The following PHACTR1 variants were observed in gnomAD, a reference collection of about 807,000 sequenced individuals.
The protein encoded by PHACTR1 is RPEL repeat containing 1.
Under a neutral mutation model 69.2 loss-of-function variants are expected in PHACTR1, and 16 were observed. The observed-to-expected ratio is 0.23, with a 90% CI of 0.16 to 0.35. The LOEUF (loss-of-function observed/expected upper bound fraction) is 0.35, where lower values mean the gene tolerates loss of function less well. Among genes scored for constraint, PHACTR1 ranks in the 10% least tolerant of loss-of-function variants. The pLI, the probability that PHACTR1 is intolerant of heterozygous loss-of-function variation, is 1.00. For missense variants in PHACTR1, 510 were observed against 734.7 expected (o/e 0.69, Z 3.54); for synonymous variants, 312 against 284.5 (o/e 1.10, Z -0.97).
intron 10 of PHACTR1, among the ~76,000 whole-genome samples, chr6:13,261,443 T>C (rs1775894405): frequency 6.6e-6 from 1 of 152,192 alleles, no homozygotes; most frequent in Non-Finnish European, 1.5e-5. Context: ...GCTCTGCAGA[T>C]GTCATGGTGA....
At chr6:12,981,678 G>A (rs993426428) in intron 4 of PHACTR1, among the ~76,000 whole-genome samples, 5 of 152,064 alleles carry the variant, frequency 3.3e-5, no homozygotes, top group Non-Finnish European at 5.9e-5. Context: ...TCCCATCCTC[G>A]ATTGGACATG....
intron 5 of PHACTR1, among the ~76,000 whole-genome samples, chr6:13,058,046 G>A (rs1583169240): frequency 2.0e-5 from 3 of 152,110 alleles, no homozygotes; most frequent in Admixed American, 6.5e-5. Flanking sequence ...TCTGCCCTCC[G>A]AGGCCCTGCC....
At chr6:12,866,730 C>CT (rs1182747937) in intron 4 of PHACTR1, among the ~76,000 whole-genome samples, 1 of 152,188 alleles carries the variant, frequency 6.6e-6, no homozygotes, top group Admixed American at 6.5e-5. Flanking sequence ...TGCAAGTTGC[C>CT]TTGCTGAGAA....
chr6:13,171,298 C>T (rs1307631835), intron 6 of PHACTR1, among the ~76,000 whole-genome samples: 1 of 152,180 alleles, frequency 6.6e-6, no homozygotes, highest in African/African-American at 2.4e-5. Flanking sequence ...CATGTGTGCC[C>T]TGGAGCTCAT....
chr6:13,149,830 G>A lies in PHACTR1; in HGVS notation c.416-10374G>A, dbSNP rs1183424324. On this transcript the variant is annotated intron_variant, in intron 5 of 14. Transcript: ENST00000332995. ...AAAAAGTTACGAGATTTTTTTTTGC[G>A]ATTTTTTTTTTTTTTAGCTCATCAA... Among the ~76,000 whole-genome samples the A allele has an allele frequency of 7.5e-5, 9 of 119,538 alleles. No individual in the cohort carries two copies. The Admixed American group carries it at 7.8e-4, about 10-fold the overall frequency. 78.4% of individuals were successfully genotyped at this position (119,538 alleles called of 152,430 possible). A position where few individuals can be genotyped will look rare whatever the true frequency, so the allele number is the denominator to read the frequency against.
Position 13,040,498 on chromosome 6 carries a change from C to T in PHACTR1, c.251-12867C>T, listed in dbSNP as rs140868924. 2.0e-3 allele frequency among the ~76,000 whole-genome samples: 310 copies of T among 152,228 alleles called. 2 individuals are homozygous for T. Among genetic ancestry groups the T allele is most frequent in the African/African-American group, 7.3e-3 (305 of 41,544 alleles). On this transcript the variant is annotated intron_variant, in intron 4 of 14. Transcript: ENST00000332995. Reference sequence around the variant, plus strand: ...AAACATATTTGACAGATGATAAGCCCAAATTGTAGCCAACAATTCAACTTG... The same window carrying T: ...AAACATATTTGACAGATGATAAGCCTAAATTGTAGCCAACAATTCAACTTG...
At chr6:13,221,631 C>T (rs1279961855) in intron 8 of PHACTR1, among the ~76,000 whole-genome samples, 1 of 152,176 alleles carries the variant, frequency 6.6e-6, no homozygotes, top group Non-Finnish European at 1.5e-5. Flanking sequence ...GGGAAGATCA[C>T]AATAGTACCT....
intron 5 of PHACTR1, among the ~76,000 whole-genome samples, chr6:13,064,644 G>T (rs1194900337): frequency 1.7e-5 from 2 of 116,156 alleles, no homozygotes; most frequent in Non-Finnish European, 3.4e-5. Context: ...GACTATGGAG[G>T]ATTCACCACC....
chr6:13,150,403 T>C (rs1335161619), intron 5 of PHACTR1, among the ~76,000 whole-genome samples: 1 of 152,190 alleles, frequency 6.6e-6, no homozygotes, highest in Admixed American at 6.5e-5. Context: ...CGATAAGCTT[T>C]CCTTGGATTA....
chr6:13,104,633 C>T (rs190679244), intron 5 of PHACTR1, among the ~76,000 whole-genome samples: 76 of 152,176 alleles, frequency 5.0e-4, no homozygotes, highest in African/African-American at 1.7e-3. Context: ...TTGATACAGC[C>T]TTTCATTCTC....
At chr6:13,249,616 T>G (rs1003739313) in intron 10 of PHACTR1, among the ~76,000 whole-genome samples, 2 of 151,998 alleles carry the variant, frequency 1.3e-5, no homozygotes, top group African/African-American at 4.8e-5. Flanking sequence ...CTGGCTAACA[T>G]GGTGAAACCT....
At chr6:13,103,816 G>A (rs141060108) in intron 5 of PHACTR1, among the ~76,000 whole-genome samples, 2 of 152,330 alleles carry the variant, frequency 1.3e-5, no homozygotes, top group African/African-American at 4.8e-5. Flanking sequence ...GGGTGCAGTG[G>A]CGCATGCCTG....
At chr6:12,825,130 G>GACAC (rs139069335) in intron 4 of PHACTR1, among the ~76,000 whole-genome samples, 3 of 151,040 alleles carry the variant, frequency 2.0e-5, no homozygotes, top group African/African-American at 7.3e-5. Flanking sequence ...CACACACACA[G>GACAC]ACACACACAC....
chr6:13,190,377 G>A (rs1402300693), intron 7 of PHACTR1, among the ~76,000 whole-genome samples: 1 of 151,606 alleles, frequency 6.6e-6, no homozygotes, highest in Non-Finnish European at 1.5e-5. Flanking sequence ...TCATATTAGG[G>A]TTCCATCTTC....
intron 11 of PHACTR1, chr6:13,273,885 A>T: frequency 6.7e-6 from 1 of 149,984 alleles, no homozygotes; most frequent in African/African-American, 2.4e-5. Flanking sequence ...GTACAGACTG[A>T]CTCCTTGCCT....
chr6:12,981,482 G>T (rs1795518792), intron 4 of PHACTR1, among the ~76,000 whole-genome samples: 1 of 152,200 alleles, frequency 6.6e-6, no homozygotes, highest in African/African-American at 2.4e-5. Context: ...AACAATCTGA[G>T]AAAATCTCAC....
intron 5 of PHACTR1, among the ~76,000 whole-genome samples, chr6:13,141,167 C>T (rs1205487812): frequency 6.6e-6 from 1 of 152,168 alleles, no homozygotes; most frequent in Non-Finnish European, 1.5e-5. Context: ...GGGTTCCCAT[C>T]AGCCCCATGG....
chr6:12,750,234 T>TG (rs1280295226), intron 4 of PHACTR1, among the ~76,000 whole-genome samples: 1 of 151,460 alleles, frequency 6.6e-6, no homozygotes, highest in African/African-American at 2.4e-5. Flanking sequence ...GGTGTTGGAG[T>TG]GGGGAGAGGG....
intron 5 of PHACTR1, among the ~76,000 whole-genome samples, chr6:13,082,356 G>T (rs771440060): frequency 9.2e-5 from 14 of 152,272 alleles, no homozygotes; most frequent in Non-Finnish European, 1.3e-4. Context: ...TTAGCCAACA[G>T]TTTTGTGCCT....
Sources: gnomAD v4.1 joint callset for allele counts (sites outside exome capture counted in the v4.1 genomes callset) on GRCh38, gnomAD v4.1.1 for gene constraint, MANE v1.5 for transcripts, NCBI Gene and HGNC (gene_info 2026-07-23, HGNC 2026-07-21) for gene names.